CA10: variants seen among roughly 807,000 people sequenced by gnomAD.
CA10 encodes the protein carbonic anhydrase-related protein 10.
CA10 carries 14 observed loss-of-function variants against 44.2 expected under a neutral mutation model. The ratio of observed to expected loss-of-function variants is 0.32; its 90% CI spans 0.21 to 0.50. CA10 has a LOEUF of 0.50. CA10 is among the 20% of genes least tolerant of loss of function. The pLI is 0.99. For missense variants in CA10, 350 were observed against 409.7 expected, an observed-to-expected ratio of 0.85 and a Z score of 1.26; for synonymous variants, 159 against 141.6, an observed-to-expected ratio of 1.12 and a Z score of -0.87.
At chr17:52,151,216 T>G (rs1381693567) in intron 1 of CA10, among the ~76,000 whole-genome samples, 1 of 152,156 alleles carries the variant, frequency 6.6e-6, no homozygotes, top group Non-Finnish European at 1.5e-5. Context: ...CACACTGGCC[T>G]AAGGTTATTT....
chr17:52,038,235 T>C (rs1447045176), intron 2 of CA10, among the ~76,000 whole-genome samples: 1 of 152,130 alleles, frequency 6.6e-6, no homozygotes, highest in Admixed American at 6.6e-5. Context: ...AGAGAGGATG[T>C]GGGAGAGGGG....
At chr17:51,891,014 G>A (rs1980832655) in intron 3 of CA10, among the ~76,000 whole-genome samples, 1 of 150,798 alleles carries the variant, frequency 6.6e-6, no homozygotes, top group African/African-American at 2.5e-5. Context: ...CAGGAAAGAT[G>A]GAATTCCAGA....
At chr17:52,123,087 C>T (rs1989045653) in intron 1 of CA10, among the ~76,000 whole-genome samples, 1 of 152,100 alleles carries the variant, frequency 6.6e-6, no homozygotes, top group South Asian at 2.1e-4. Flanking sequence ...CAGAGGGAAC[C>T]AGCACAATTG....
At chr17:52,131,626 A>G (rs1204915995) in intron 1 of CA10, among the ~76,000 whole-genome samples, 2 of 152,224 alleles carry the variant, frequency 1.3e-5, no homozygotes, top group African/African-American at 2.4e-5. Context: ...AATTTTGTAG[A>G]GAGCTTTCAG....
chr17:52,102,689 G>A (rs938295602), intron 1 of CA10, among the ~76,000 whole-genome samples: 2 of 152,172 alleles, frequency 1.3e-5, no homozygotes, highest in African/African-American at 4.8e-5. Context: ...CTTCTTCAGT[G>A]GAACCCTGAA....
chr17:52,053,305 T>G (rs537007493), intron 2 of CA10, among the ~76,000 whole-genome samples: 3 of 152,022 alleles, frequency 2.0e-5, no homozygotes, highest in Non-Finnish European at 4.4e-5. Flanking sequence ...CCAACTGAGC[T>G]CTTTGTTTAA....
intron 3 of CA10, among the ~76,000 whole-genome samples, chr17:51,850,520 C>A (rs1263319207): frequency 1.3e-5 from 2 of 152,256 alleles, no homozygotes; most frequent in Non-Finnish European, 2.9e-5. Context: ...TAGGTGAGGT[C>A]TCTGCTAAGC....
chr17:51,832,678 CA>C (rs888894964), intron 3 of CA10, among the ~76,000 whole-genome samples: 4 of 152,178 alleles, frequency 2.6e-5, no homozygotes, highest in Non-Finnish European at 5.9e-5. Flanking sequence ...GGAGAAAAAC[CA>C]GGAGCTTTAA....
At chr17:52,079,664 G>A (rs1054888821) in intron 1 of CA10, among the ~76,000 whole-genome samples, 5 of 152,086 alleles carry the variant, frequency 3.3e-5, no homozygotes, top group African/African-American at 1.2e-4. Context: ...GTGGGAATGT[G>A]GACAAAAGTG....
intron 4 of CA10, among the ~76,000 whole-genome samples, chr17:51,657,198 C>G (rs1036528195): frequency 6.6e-6 from 1 of 152,150 alleles, no homozygotes; most frequent in African/African-American, 2.4e-5. Flanking sequence ...CTAGGAGCAA[C>G]AGAAGAGCAC....
At chr17:51,658,107 G>T (rs72830552) in intron 4 of CA10, among the ~76,000 whole-genome samples, 7 of 152,204 alleles carry the variant, frequency 4.6e-5, no homozygotes, top group Non-Finnish European at 7.3e-5. Context: ...TACCAGTCTT[G>T]TCATGATGCT....
At chr17:51,902,415 C>CT (rs1422330011) in intron 3 of CA10, among the ~76,000 whole-genome samples, 6 of 152,080 alleles carry the variant, frequency 3.9e-5, no homozygotes, top group Non-Finnish European at 8.8e-5. Flanking sequence ...TTAATTTTAT[C>CT]TTTTTTTCCC....
chr17:52,068,469 G>T (rs1040355357), intron 2 of CA10, among the ~76,000 whole-genome samples: 3 of 152,120 alleles, frequency 2.0e-5, no homozygotes, highest in Admixed American at 6.6e-5. Context: ...ATCCCTCTTT[G>T]CCTGTGCTGT....
Position 51,709,144 on chromosome 17 carries a change from C to G in CA10, c.465+38489G>C, listed in dbSNP as rs769753136. 7.9e-5 allele frequency among the ~76,000 whole-genome samples: 12 copies of G among 152,230 alleles called. No homozygotes were observed. In the South Asian group the frequency reaches 8.3e-4, roughly 11 times the overall value. On this transcript the variant is annotated intron_variant, in intron 4 of 8. Transcript: ENST00000451037. ...TCATTCATCTATTCATTCATATATCCATCTATTCATTTACTTGCTCATCTA... is the reference window on the plus strand; with the variant it reads ...TCATTCATCTATTCATTCATATATCGATCTATTCATTTACTTGCTCATCTA...
At chr17:51,649,374 A>T in intron 5 of CA10, 120 bp from the exon 6 acceptor site, 3 of 749,896 alleles carry the variant, frequency 4.0e-6, no homozygotes, top group Non-Finnish European at 6.9e-6. Context: ...AAACACAATG[A>T]CAGCTGCAAA....
intron 3 of CA10, among the ~76,000 whole-genome samples, chr17:51,890,509 GT>G (rs148389302): frequency 0.018 from 2,657 of 151,698 alleles, 38 homozygotes; most frequent in Non-Finnish European, 0.026. Context: ...TTGTTTGTTT[GT>G]TTTTTTTGCC....
At chr17:51,998,853 C>T (rs1726129448) in intron 2 of CA10, among the ~76,000 whole-genome samples, 1 of 151,956 alleles carries the variant, frequency 6.6e-6, no homozygotes, top group Admixed American at 6.6e-5. Flanking sequence ...TGAGTCTCTC[C>T]ACCTCTTCTC....
At chr17:51,849,167 A>G (rs1370563462) in intron 3 of CA10, among the ~76,000 whole-genome samples, 3 of 101,396 alleles carry the variant, frequency 3.0e-5, no homozygotes, top group African/African-American at 7.3e-5. Flanking sequence ...ATATATGTAT[A>G]TATATATACA....
chr17:51,662,829 C>CT (rs1914056212), intron 4 of CA10, among the ~76,000 whole-genome samples: 1 of 152,124 alleles, frequency 6.6e-6, no homozygotes, highest in Non-Finnish European at 1.5e-5. Context: ...TCATACCAAC[C>CT]TAGAAAACCA....
Sources: gnomAD v4.1 joint callset for allele counts (sites outside exome capture counted in the v4.1 genomes callset) on GRCh38, gnomAD v4.1.1 for gene constraint, MANE v1.5 for transcripts, NCBI Gene and HGNC (gene_info 2026-07-23, HGNC 2026-07-21) for gene names.